Variants in ADGRL2 observed in about 807,000 individuals in gnomAD.
ADGRL2 encodes adhesion G protein-coupled receptor L2, also known as calcium-independent alpha-latrotoxin receptor 2.
ADGRL2 carries 44 observed loss-of-function variants against 157.4 expected under a neutral mutation model. The observed-to-expected ratio is 0.28, with a 90% CI of 0.22 to 0.36. The LOEUF is 0.36. ADGRL2 is among the 10% of genes least tolerant of loss of function. ADGRL2 has a pLI of 1.00. For missense variants in ADGRL2, 1,510 were observed against 1,768.9 expected (o/e 0.85, Z 2.63); for synonymous variants, 585 against 624.7 (o/e 0.94, Z 0.95).
At chr1:81,802,295 C>T (rs1446592184) in intron 1 of ADGRL2, among the ~76,000 whole-genome samples, 3 of 151,998 alleles carry the variant, frequency 2.0e-5, no homozygotes, top group African/African-American at 4.8e-5. Context: ...TGCTTTGCGC[C>T]TCCAGTCCGG....
In ADGRL2 at chr1:81,622,292, G is replaced by A. The variant is rs1046867455; in HGVS notation, c.-143+41312G>A. Among the ~76,000 whole-genome samples, 6 of 151,874 alleles carry A rather than the reference G, an allele frequency of 4.0e-5. No homozygotes were observed. In the East Asian group the frequency reaches 5.8e-4, roughly 15 times the overall value. On this transcript the variant is annotated intron_variant, in intron 3 of 24. Transcript: ENST00000370721. ...GCACCGTGGGTCCTTTAAAACCTACGTTTTTTTTGGCCGGGCACGGTAGCT... is the reference window on the plus strand; with the variant it reads ...GCACCGTGGGTCCTTTAAAACCTACATTTTTTTTGGCCGGGCACGGTAGCT...
At chr1:81,942,382 AG>A (rs1156618830) in intron 5 of ADGRL2, among the ~76,000 whole-genome samples, 3 of 151,832 alleles carry the variant, frequency 2.0e-5, no homozygotes, top group Non-Finnish European at 2.9e-5. Flanking sequence ...CCATGGTTAC[AG>A]GGTCTCCTGA....
In ADGRL2 at chr1:81,934,832, T is replaced by C. The variant is rs962763186; in HGVS notation, c.288-1896T>C. On this transcript the variant is annotated intron_variant, in intron 3 of 23. Transcript: ENST00000686636. ...CACACAGTTGTTTATCTTTCTTCAT[T>C]TCTGAGAGGTGTAAGGGTGTGATAA... Among the ~76,000 whole-genome samples, 6 of 151,974 alleles carry C rather than the reference T, an allele frequency of 3.9e-5. No individual in the cohort carries two copies. The East Asian group carries it at 1.2e-3, about 29-fold the overall frequency.
chr1:81,752,428 C>T (rs2085519635), intron 1 of ADGRL2, among the ~76,000 whole-genome samples: 1 of 152,186 alleles, frequency 6.6e-6, no homozygotes, highest in Non-Finnish European at 1.5e-5. Context: ...AAAACTACAG[C>T]ATTATAATAA....
At chr1:81,664,615 C>A (rs962119563) in intron 3 of ADGRL2, among the ~76,000 whole-genome samples, 1 of 152,150 alleles carries the variant, frequency 6.6e-6, no homozygotes, top group Non-Finnish European at 1.5e-5. Context: ...GCCTTGCTTA[C>A]CAGATAGTGA....
intron 1 of ADGRL2, among the ~76,000 whole-genome samples, chr1:81,439,268 G>A (rs2077464455): frequency 1.3e-5 from 2 of 152,108 alleles, no homozygotes; most frequent in African/African-American, 4.8e-5. Flanking sequence ...CATTTTCAAA[G>A]TCACTCATTC....
intron 1 of ADGRL2, among the ~76,000 whole-genome samples, chr1:81,423,559 G>A (rs1398628086): frequency 6.6e-6 from 1 of 152,150 alleles, no homozygotes; most frequent in Non-Finnish European, 1.5e-5. Flanking sequence ...CTCAGATTCT[G>A]AATACTGAAT....
intron 3 of ADGRL2, among the ~76,000 whole-genome samples, chr1:81,644,537 C>T (rs1354463599): frequency 6.6e-6 from 1 of 151,984 alleles, no homozygotes; most frequent in Non-Finnish European, 1.5e-5. Context: ...GAACACAAAC[C>T]CGATTTAAAA....
At chr1:81,925,596 G>A (rs2095085855) in intron 3 of ADGRL2, among the ~76,000 whole-genome samples, 1 of 150,160 alleles carries the variant, frequency 6.7e-6, no homozygotes, top group Non-Finnish European at 1.5e-5. Context: ...AGAACATAGA[G>A]TCATTTTAAT....
intron 1 of ADGRL2, among the ~76,000 whole-genome samples, chr1:81,397,730 CAT>C (rs1338657100): frequency 6.6e-6 from 1 of 152,092 alleles, no homozygotes; most frequent in East Asian, 1.9e-4. Flanking sequence ...TGCAGCCTAA[CAT>C]GTGGTCTATG....
chr1:81,822,242 G>A (rs1238148175), intron 1 of ADGRL2, among the ~76,000 whole-genome samples: 1 of 151,308 alleles, frequency 6.6e-6, no homozygotes, highest in Admixed American at 6.6e-5. Context: ...CATGTTTCCC[G>A]CTATCAGAAA....
intron 3 of ADGRL2, among the ~76,000 whole-genome samples, chr1:81,585,275 G>T (rs1310909676): frequency 6.6e-6 from 1 of 152,064 alleles, no homozygotes; most frequent in Non-Finnish European, 1.5e-5. Flanking sequence ...ATAGTTATAT[G>T]TAATTATTTC....
chr1:81,786,707 C>T (rs1281942435), intron 2 of ADGRL2, among the ~76,000 whole-genome samples: 1 of 152,110 alleles, frequency 6.6e-6, no homozygotes, highest in Non-Finnish European at 1.5e-5. Flanking sequence ...ATATCTGGGG[C>T]CATCAACTAC....
At chr1:81,529,369 G>A (rs1164091590) in intron 2 of ADGRL2, among the ~76,000 whole-genome samples, 1 of 152,212 alleles carries the variant, frequency 6.6e-6, no homozygotes, top group South Asian at 2.1e-4. Context: ...AGGAGAATAG[G>A]ATAAAGTTGG....
At chr1:81,584,833 T>C (rs1412723917) in intron 3 of ADGRL2, among the ~76,000 whole-genome samples, 1 of 152,110 alleles carries the variant, frequency 6.6e-6, no homozygotes. Flanking sequence ...GAAATGTCAT[T>C]CATTGCTGCT....
chr1:81,364,174 G>A (rs2100933831), intron 1 of ADGRL2, among the ~76,000 whole-genome samples: 2 of 151,512 alleles, frequency 1.3e-5, no homozygotes, highest in South Asian at 4.2e-4. Flanking sequence ...GAATTTTTGA[G>A]CAAGACAGAG....
chr1:81,320,746 C>T (rs897254158), intron 1 of ADGRL2, among the ~76,000 whole-genome samples: 1 of 152,194 alleles, frequency 6.6e-6, no homozygotes, highest in South Asian at 2.1e-4. Context: ...CAGGCTTTGT[C>T]ATTTCATTTA....
At chr1:81,872,968 C>CTTA (rs1438993297) in intron 2 of ADGRL2, among the ~76,000 whole-genome samples, 1 of 151,946 alleles carries the variant, frequency 6.6e-6, no homozygotes, top group Admixed American at 6.6e-5. Context: ...TTAAATAATG[C>CTTA]TTAACTCTCT....
intron 2 of ADGRL2, among the ~76,000 whole-genome samples, chr1:81,485,634 A>G (rs1439607955): frequency 6.6e-6 from 1 of 152,174 alleles, no homozygotes; most frequent in African/African-American, 2.4e-5. Flanking sequence ...TGAAATAATC[A>G]GTGCCTAGAC....
Sources: gnomAD v4.1 joint callset for allele counts (sites outside exome capture counted in the v4.1 genomes callset) on GRCh38, gnomAD v4.1.1 for gene constraint, MANE v1.5 for transcripts, NCBI Gene and HGNC (gene_info 2026-07-23, HGNC 2026-07-21) for gene names.